Variants in DDX11 observed in about 807,000 individuals in gnomAD.
The protein encoded by DDX11 is DEAD/H-box helicase 11, also known as ATP-dependent DNA helicase DDX11.
DDX11 carries 72 observed loss-of-function variants against 125.2 expected under a neutral mutation model. That is an observed-to-expected ratio of 0.58 (90% CI 0.48 to 0.70). The LOEUF (loss-of-function observed/expected upper bound fraction) is 0.70. Ranked by LOEUF, DDX11 falls within the 30% of genes least tolerant of loss-of-function variation. DDX11 has a pLI of 0.00. For synonymous variants in DDX11, 347 were observed against 452.6 expected (o/e 0.77, Z 2.96); for missense variants, 883 against 1,165.0 (o/e 0.76, Z 3.52).
chr12:31,099,947 T>G (rs552705740), intron 18 of DDX11, among the ~76,000 whole-genome samples: 1 of 152,196 alleles, frequency 6.6e-6, no homozygotes, highest in Non-Finnish European at 1.5e-5. Flanking sequence ...CCTGTTTTAT[T>G]TACACAGAAG....
rs550871753 is a variant in DDX11, at chr12:31,094,455, A to G, written c.1370-135A>G. ...AGTGGGTCCGTTGCATGCTATAAAC[A>G]GTGAAAAGCAAAACAAAGCCATTTA... On this transcript the variant is annotated intron_variant, in intron 12 of 26. Coordinates refer to ENST00000542838, the MANE Select transcript of DDX11 (RefSeq NM_030653.4). 3.3e-4 allele frequency: 488 copies of G among 1,495,526 alleles called. 9 individuals are homozygous for G. In the South Asian group the frequency reaches 5.6e-3, roughly 17 times the overall value. The allele number at this position is 1,495,526 out of a possible 1,614,324, so 92.6% of individuals were successfully genotyped here.
intron 2 of DDX11, among the ~76,000 whole-genome samples, chr12:31,078,851 C>G (rs993413276): frequency 6.6e-6 from 1 of 152,094 alleles, no homozygotes; most frequent in Non-Finnish European, 1.5e-5. Context: ...CCACGCCCGG[C>G]TAATTTTTTG....
intron 1 of DDX11, chr12:31,076,820 C>T (rs1011301488): frequency 6.6e-6 from 1 of 152,160 alleles, no homozygotes; most frequent in African/African-American, 2.4e-5. Context: ...AATAATTCCT[C>T]TACCTCTGTA....
At chr12:31,093,876 T>G (rs1050423506) in intron 12 of DDX11, among the ~76,000 whole-genome samples, 1 of 148,512 alleles carries the variant, frequency 6.7e-6, no homozygotes, top group Non-Finnish European at 1.5e-5. Context: ...GGCCCTGCTC[T>G]GGGGGGATAT....
chr12:31,097,066 G>C, intron 17 of DDX11, 76 bp downstream of exon 17: 1 of 1,587,360 alleles, frequency 6.3e-7, no homozygotes, highest in Admixed American at 1.8e-5. Context: ...AGCGTGAAAG[G>C]ATTCTTTCCT....
chr12:31,085,050 G>C lies in DDX11; in HGVS notation c.562G>C (p.Glu188Gln), dbSNP rs1350909737. The change falls in exon 5 of 27, where the codon GAG becomes CAG. Residue 188 changes from glutamate (E) to glutamine (Q), a missense_variant. Around this residue, in one of 5 missense-constraint regions of DDX11, gnomAD observed 283 missense variants for 359.6 expected, o/e 0.79. Transcript: ENST00000542838. ...GACAGGCCCGGAGGCTGAGCGGCTGGAGCAGCTGGAGTCTGGGGAGGAGGA... is the reference window on the plus strand; with the variant it reads ...GACAGGCCCGGAGGCTGAGCGGCTGCAGCAGCTGGAGTCTGGGGAGGAGGA... Reference protein sequence around the residue: ...LETGPEAERLEQLESGEEELV... With the variant: ...LETGPEAERLQQLESGEEELV... 6.2e-7 allele frequency: 1 copy of C among 1,608,880 alleles called. No homozygotes were observed. Among genetic ancestry groups the C allele is most frequent in the Non-Finnish European group, 8.5e-7 (1 of 1,177,440 alleles).
intron 14 of DDX11, 103 bp downstream of exon 14, chr12:31,094,925 C>T: frequency 4.7e-6 from 6 of 1,282,876 alleles, no homozygotes; most frequent in Middle Eastern, 1.9e-4. Context: ...AAAAGCAAAA[C>T]AGATGTGTAA....
chr12:31,089,610 C>T (rs1366002821), intron 8 of DDX11, 120 bp downstream of exon 8: 19 of 1,125,930 alleles, frequency 1.7e-5, no homozygotes, highest in Non-Finnish European at 2.4e-5. Context: ...ACCCCAGTTC[C>T]TTCCTGAGTC....
intron 18 of DDX11, among the ~76,000 whole-genome samples, chr12:31,098,764 A>C (rs1356055315): frequency 1.3e-5 from 2 of 152,156 alleles, no homozygotes; most frequent in Non-Finnish European, 2.9e-5. Context: ...TTCATTCGGC[A>C]TATTAAAAGT....
chr12:31,083,158 G>A (rs1942314928), intron 2 of DDX11, among the ~76,000 whole-genome samples: 1 of 152,106 alleles, frequency 6.6e-6, no homozygotes. Flanking sequence ...TCTCCAGTCT[G>A]TATATGGAGG....
At chr12:31,083,692 C>G in intron 2 of DDX11, 121 bp from the exon 3 acceptor site, 1 of 1,306,558 alleles carries the variant, frequency 7.7e-7, no homozygotes, top group Non-Finnish European at 1.1e-6. Context: ...CTAGGCTGGT[C>G]TTAGAGCATC....
At chr12:31,087,796 C>G in intron 5 of DDX11, 142 bp from the exon 6 acceptor site, 1 of 1,445,372 alleles carries the variant, frequency 6.9e-7, no homozygotes, top group East Asian at 2.5e-5. Context: ...GGGGGAGTTT[C>G]TGAGCGAGCA....
chr12:31,100,914 C>T, intron 19 of DDX11, 113 bp from the exon 20 acceptor site: 4 of 1,144,570 alleles, frequency 3.5e-6, no homozygotes, highest in Middle Eastern at 1.9e-4. Context: ...GGCGGGTGAG[C>T]GCTGTCAGTC....
Position 31,102,542 on chromosome 12 carries a change from T to C in DDX11, c.2372+15T>C. The stretch of plus-strand genomic sequence containing the variant: ...AACCTAGGCCGGTAAGTAGTGGTTC[T>C]GCTCGTCTCCTGGGCCGTGATACAT... On this transcript the variant is annotated intron_variant, in intron 23 of 26. Transcript: ENST00000542838. 2.5e-6 allele frequency: 4 copies of C among 1,611,174 alleles called. No individual in the cohort carries two copies. Among genetic ancestry groups the C allele is most frequent in the African/African-American group, 1.3e-5 (1 of 75,004 alleles).
At chr12:31,097,415 C>G (rs1304260148) in intron 17 of DDX11, among the ~76,000 whole-genome samples, 1 of 142,362 alleles carries the variant, frequency 7.0e-6, no homozygotes, top group Non-Finnish European at 1.5e-5. Context: ...CGCGGTGGCT[C>G]ACGCCTATAA....
intron 14 of DDX11, among the ~76,000 whole-genome samples, chr12:31,095,925 A>G (rs1945143217): frequency 6.6e-6 from 1 of 152,124 alleles, no homozygotes; most frequent in South Asian, 2.1e-4. Flanking sequence ...GCACCAAACC[A>G]CACACATTGG....
intron 5 of DDX11, among the ~76,000 whole-genome samples, chr12:31,086,561 C>T (rs2352621): frequency 6.6e-6 from 1 of 151,988 alleles, no homozygotes; most frequent in Non-Finnish European, 1.5e-5. Context: ...TCCATGAACC[C>T]TTCCTGCCCG....
intron 20 of DDX11, 67 bp from the exon 21 acceptor site, chr12:31,101,766 C>T (rs1029895129): frequency 7.5e-5 from 121 of 1,602,780 alleles, no homozygotes; most frequent in Non-Finnish European, 9.3e-5. Flanking sequence ...AAGGTGAAGA[C>T]GCGGTTTGTG....
intron 24 of DDX11, 67 bp from the exon 25 acceptor site, chr12:31,103,250 A>G: frequency 6.3e-7 from 1 of 1,575,006 alleles, no homozygotes; most frequent in Non-Finnish European, 8.6e-7. Flanking sequence ...AAAGCCTGGC[A>G]GGGTCTTTTC....
Sources: gnomAD v4.1 joint callset for allele counts (sites outside exome capture counted in the v4.1 genomes callset) on GRCh38, gnomAD v4.1.1 for gene constraint, gnomAD v4.1.1 regional missense constraint, MANE v1.5 for transcripts, NCBI Gene and HGNC (gene_info 2026-07-23, HGNC 2026-07-21) for gene names.